RBFOX1: variants seen among roughly 807,000 people sequenced by gnomAD.
RBFOX1 encodes RNA binding fox-1 homolog 1.
Under a neutral mutation model 57.7 loss-of-function variants are expected in RBFOX1, and 8 were observed. The ratio of observed to expected loss-of-function variants is 0.14; its 90% CI spans 0.08 to 0.25. The LOEUF is 0.25. Among genes scored for constraint, RBFOX1 ranks in the 10% least tolerant of loss-of-function variants. The pLI is 1.00. For synonymous variants in RBFOX1, 326 were observed against 222.4 expected (o/e 1.47, Z -4.15); for missense variants, 611 against 548.5 (o/e 1.11, Z -1.14).
At chr16:7,233,933 C>T (rs1333456564) in intron 4 of RBFOX1, among the ~76,000 whole-genome samples, 1 of 152,168 alleles carries the variant, frequency 6.6e-6, no homozygotes, top group African/African-American at 2.4e-5. Flanking sequence ...GGACAAATTT[C>T]CATCTTGACT....
intron 3 of RBFOX1, among the ~76,000 whole-genome samples, chr16:5,744,729 A>T (rs1240609574): frequency 2.6e-5 from 4 of 152,138 alleles, no homozygotes; most frequent in African/African-American, 9.7e-5. Context: ...TTTTCTTGTG[A>T]TTAAGTGACG....
chr16:5,719,936 G>T (rs961085516), intron 3 of RBFOX1, among the ~76,000 whole-genome samples: 1 of 152,156 alleles, frequency 6.6e-6, no homozygotes, highest in Non-Finnish European at 1.5e-5. Context: ...TCAGCTGCTA[G>T]GAGGGATGGT....
intron 4 of RBFOX1, among the ~76,000 whole-genome samples, chr16:7,281,253 C>T (rs956898841): frequency 5.9e-5 from 9 of 151,650 alleles, no homozygotes; most frequent in Admixed American, 1.3e-4. Flanking sequence ...TCTGCCTGTC[C>T]CAGCCTCCCA....
At chr16:6,658,355 C>G (rs1464795491) in intron 3 of RBFOX1, among the ~76,000 whole-genome samples, 5 of 151,834 alleles carry the variant, frequency 3.3e-5, no homozygotes, top group African/African-American at 9.7e-5. Flanking sequence ...ATTCTCCTGC[C>G]TCAGCCTCCT....
chr16:6,793,010 C>G (rs2083266623), intron 3 of RBFOX1, among the ~76,000 whole-genome samples: 1 of 144,766 alleles, frequency 6.9e-6, no homozygotes, highest in East Asian at 2.0e-4. Context: ...GGCTGGGCGA[C>G]AGAGTGAGAC....
chr16:7,427,746 C>T (rs1441350931), intron 4 of RBFOX1, among the ~76,000 whole-genome samples: 4 of 152,000 alleles, frequency 2.6e-5, no homozygotes, highest in South Asian at 2.1e-4. Context: ...CTCCACCTCC[C>T]GGGTTCTAGT....
At chr16:7,118,590 C>A (rs2066433340) in intron 4 of RBFOX1, among the ~76,000 whole-genome samples, 1 of 152,056 alleles carries the variant, frequency 6.6e-6, no homozygotes, top group Non-Finnish European at 1.5e-5. Flanking sequence ...TTAAAATAAA[C>A]CTTATATAAT....
At chr16:5,677,620 G>A (rs1477469099) in intron 3 of RBFOX1, among the ~76,000 whole-genome samples, 1 of 152,198 alleles carries the variant, frequency 6.6e-6, no homozygotes, top group Non-Finnish European at 1.5e-5. Flanking sequence ...ATACAGCAGA[G>A]AATGACACAG....
intron 4 of RBFOX1, among the ~76,000 whole-genome samples, chr16:5,884,239 C>T (rs2057839055): frequency 6.6e-6 from 1 of 152,152 alleles, no homozygotes; most frequent in Non-Finnish European, 1.5e-5. Context: ...GAGAACCTTC[C>T]CTTCATGCCT....
chr16:7,544,745 C>A (rs1302142793), intron 5 of RBFOX1, among the ~76,000 whole-genome samples: 1 of 152,192 alleles, frequency 6.6e-6, no homozygotes, highest in African/African-American at 2.4e-5. Flanking sequence ...TATGTTATGG[C>A]AGTCCTAGGA....
intron 3 of RBFOX1, among the ~76,000 whole-genome samples, chr16:6,849,257 G>C (rs777217584): frequency 6.6e-6 from 1 of 152,160 alleles, no homozygotes; most frequent in African/African-American, 2.4e-5. Context: ...AAGTCTTTCC[G>C]TGGCACCTAA....
intron 2 of RBFOX1, among the ~76,000 whole-genome samples, chr16:6,363,364 G>C (rs1023073585): frequency 1.3e-5 from 2 of 152,114 alleles, no homozygotes; most frequent in African/African-American, 4.8e-5. Context: ...AAACAGACTA[G>C]GCACCATACC....
chr16:7,692,886 CTT>C (rs1568491960), intron 14 of RBFOX1, among the ~76,000 whole-genome samples: 1 of 117,250 alleles, frequency 8.5e-6, no homozygotes, highest in Non-Finnish European at 1.8e-5. Context: ...AGCACTTTTT[CTT>C]ATTTTTTTTT....
chr16:6,751,790 T>C (rs1295518693), intron 3 of RBFOX1, among the ~76,000 whole-genome samples: 2 of 152,150 alleles, frequency 1.3e-5, no homozygotes, highest in South Asian at 2.1e-4. Context: ...AATGTGTGAT[T>C]ATCGTAACCC....
At chr16:6,428,119 C>T (rs986543697) in intron 2 of RBFOX1, among the ~76,000 whole-genome samples, 2 of 151,708 alleles carry the variant, frequency 1.3e-5, no homozygotes, top group African/African-American at 4.8e-5. Flanking sequence ...CCCATCCCTA[C>T]AACAAATACA....
intron 4 of RBFOX1, among the ~76,000 whole-genome samples, chr16:7,362,321 T>G (rs111208331): frequency 6.6e-6 from 1 of 151,528 alleles, no homozygotes; most frequent in African/African-American, 2.4e-5. Context: ...TGTGTGTGTG[T>G]ATGTTTTGTG....
chr16:5,333,335 G>A (rs189295939), intron 1 of RBFOX1, among the ~76,000 whole-genome samples: 5 of 152,338 alleles, frequency 3.3e-5, no homozygotes, highest in South Asian at 2.1e-4. Flanking sequence ...ACGCCCATTC[G>A]TTTGCATATT....
At chr16:5,805,358 T>A (rs1277739323) in intron 3 of RBFOX1, among the ~76,000 whole-genome samples, 2 of 152,214 alleles carry the variant, frequency 1.3e-5, no homozygotes, top group African/African-American at 4.8e-5. Flanking sequence ...AAGTTCAAAA[T>A]TCTATTAACT....
chr16:7,190,295 G>T (rs2085052434), intron 4 of RBFOX1, among the ~76,000 whole-genome samples: 1 of 152,142 alleles, frequency 6.6e-6, no homozygotes, highest in African/African-American at 2.4e-5. Flanking sequence ...GGAGGCGGAG[G>T]TTGCAGTGAG....
Sources: gnomAD v4.1 joint callset for allele counts (sites outside exome capture counted in the v4.1 genomes callset) on GRCh38, gnomAD v4.1.1 for gene constraint, MANE v1.5 for transcripts, NCBI Gene and HGNC (gene_info 2026-07-23, HGNC 2026-07-21) for gene names.